MPDZ: variants seen among roughly 807,000 people sequenced by gnomAD.
MPDZ encodes the protein multiple PDZ domain crumbs cell polarity complex component.
A neutral mutation model predicts 239.1 loss-of-function variants in MPDZ; 234 were observed. That is an observed-to-expected ratio of 0.98 (90% CI 0.88 to 1.09). The LOEUF is 1.09. Among genes scored for constraint, MPDZ ranks in the 50% least tolerant of loss-of-function variants. The pLI is 0.00. For synonymous variants in MPDZ, 1,048 were observed against 881.3 expected (o/e 1.19, Z -3.35); for missense variants, 3,175 against 2,510.0 (o/e 1.26, Z -5.66).
intron 30 of MPDZ, 93 bp downstream of exon 30, chr9:13,136,619 C>A (rs1264261660): frequency 6.9e-6 from 6 of 873,664 alleles, no homozygotes; most frequent in Non-Finnish European, 9.1e-6. Context: ...AGCCAGCATG[C>A]CCGGCTACAA....
intron 24 of MPDZ, among the ~76,000 whole-genome samples, chr9:13,155,636 C>T (rs1336336946): frequency 1.3e-5 from 2 of 152,018 alleles, no homozygotes; most frequent in Non-Finnish European, 2.9e-5. Context: ...AAATACAGCC[C>T]ATTTTATAAT....
chr9:13,177,483 ACAAG>A (rs1952654514), intron 19 of MPDZ, among the ~76,000 whole-genome samples: 1 of 152,174 alleles, frequency 6.6e-6, no homozygotes, highest in African/African-American at 2.4e-5. Context: ...ACTCACACAT[ACAAG>A]CAGATATACA....
rs181643304 is a variant in MPDZ at position 13,220,364 on chromosome 9, A to G, written c.877-596T>C. ...TGCAATGATGGAACTCTTCTGCACT[A>G]CTCAATACAATAGCTACGGAGATCT... On this transcript the variant is annotated intron_variant, in intron 7 of 46. Coordinates refer to ENST00000319217, the MANE Select transcript of MPDZ (RefSeq NM_001378778.1). 1.0e-3 allele frequency among the ~76,000 whole-genome samples: 156 copies of G among 152,116 alleles called. 1 individual carries two copies. The highest frequency in any genetic ancestry group is 3.6e-3 in the African/African-American group (150 of 41,546).
intron 12 of MPDZ, among the ~76,000 whole-genome samples, chr9:13,197,253 T>C (rs1211036162): frequency 2.6e-5 from 4 of 151,982 alleles, no homozygotes; most frequent in East Asian, 1.9e-4. Context: ...TTAACAGATA[T>C]AAAAGCACAG....
intron 12 of MPDZ, among the ~76,000 whole-genome samples, chr9:13,203,887 A>G (rs1386790610): frequency 6.6e-6 from 1 of 152,024 alleles, no homozygotes; most frequent in African/African-American, 2.4e-5. Flanking sequence ...TTAATATCAC[A>G]AGTATCATGC....
At position 13,240,397 on chromosome 9, in the gene MPDZ, T is replaced by C. The variant is rs533704221; in HGVS notation, c.183+7238A>G. On this transcript the variant is annotated intron_variant, in intron 3 of 46. Coordinates refer to ENST00000319217, the MANE Select transcript of MPDZ (RefSeq NM_001378778.1). ...GTACTGGTTTACGTTAAAAAGAATC[T>C]ATGATTAAAATCTGGGAGAAGAATT... Among the ~76,000 whole-genome samples, 4 of 151,884 alleles carry C rather than the reference T, an allele frequency of 2.6e-5. No individual in the cohort carries two copies. The East Asian group carries it at 5.8e-4, about 22-fold the overall frequency.
intron 26 of MPDZ, among the ~76,000 whole-genome samples, chr9:13,146,606 T>C (rs542765117): frequency 3.3e-5 from 5 of 152,156 alleles, no homozygotes; most frequent in African/African-American, 1.2e-4. Flanking sequence ...ATGGGGGTTG[T>C]TAACTTAAAT....
intron 26 of MPDZ, among the ~76,000 whole-genome samples, chr9:13,146,519 C>A (rs538120473): frequency 1.3e-5 from 2 of 152,122 alleles, no homozygotes; most frequent in East Asian, 3.9e-4. Context: ...ACTTCCCTCA[C>A]ATATGTTGAT....
chr9:13,235,771 T>C (rs952625636), intron 3 of MPDZ, among the ~76,000 whole-genome samples: 17 of 152,314 alleles, frequency 1.1e-4, no homozygotes, highest in African/African-American at 3.8e-4. Context: ...CAAAGCATAT[T>C]TGTCTTAAAA....
intron 17 of MPDZ, 146 bp from the exon 18 acceptor site, chr9:13,186,532 G>C (rs1414553314): frequency 3.5e-6 from 2 of 579,302 alleles, no homozygotes; most frequent in East Asian, 5.7e-5. Flanking sequence ...CTTCAACATA[G>C]AATGGTAAGT....
In MPDZ at chr9:13,219,642, T is replaced by A; in HGVS notation, c.1003A>T (p.Arg335Ter). Residue 335 changes from arginine (R) to a stop codon, truncating the protein, a stop_gained, in exon 8 of 47, where the codon AGA becomes TGA. Coordinates refer to ENST00000319217, the MANE Select transcript of MPDZ (RefSeq NM_001378778.1). LOFTEE classifies it high-confidence loss of function. The part of the protein sequence containing the change: ...CGNRVKLMIA[R>*]GAIEERTAPT... ...GCTGTACGTTCTTCTATGGCACCTC[T>A]TGCAATCATCAACTTAACTCTATTT... The A allele has an allele frequency of 6.2e-7, 1 of 1,612,712 alleles. No individual in the cohort carries two copies. The highest frequency in any genetic ancestry group is 8.5e-7 in the Non-Finnish European group (1 of 1,179,232).
chr9:13,157,796 T>A (rs1950004589), intron 24 of MPDZ, among the ~76,000 whole-genome samples: 1 of 152,154 alleles, frequency 6.6e-6, no homozygotes, highest in Admixed American at 6.6e-5. Flanking sequence ...TTTAATTTAG[T>A]CCCTACTATG....
chr9:13,162,749 A>C lies in MPDZ; in HGVS notation c.3301T>G (p.Leu1101Val). Residue 1101 changes from leucine (L) to valine (V), a missense_variant, in exon 23 of 47, where the codon TTG becomes GTG. By Grantham distance (32) the Leu-to-Val change is conservative (BLOSUM62 1). Coordinates refer to ENST00000319217, the MANE Select transcript of MPDZ (RefSeq NM_001378778.1). ...ATTACTCTTCCAGATTGTTGTCCCA[A>C]GCTTATTTTGAACTCTTCCAAATGT... ...AEHLEEFKIS[L>V]GQQSGRVMAL... is the part of the protein sequence containing the mutation. 1 of 1,611,610 alleles carries C rather than the reference A, an allele frequency of 6.2e-7. No individual in the cohort carries two copies. Among genetic ancestry groups the C allele is most frequent in the Non-Finnish European group, 8.5e-7 (1 of 1,178,590 alleles).
intron 3 of MPDZ, among the ~76,000 whole-genome samples, chr9:13,226,174 C>CA (rs1212550802): frequency 1.3e-5 from 2 of 152,138 alleles, no homozygotes; most frequent in Middle Eastern, 3.4e-3. Context: ...ACTGTGCCCT[C>CA]AAATCGTGCT....
At chr9:13,256,830 G>A (rs1969555063) in intron 1 of MPDZ, among the ~76,000 whole-genome samples, 2 of 151,976 alleles carry the variant, frequency 1.3e-5, no homozygotes, top group South Asian at 4.1e-4. Context: ...ATGTGCTGTT[G>A]GAAAAAAATG....
At chr9:13,156,536 T>C (rs1949839959) in intron 24 of MPDZ, among the ~76,000 whole-genome samples, 1 of 152,162 alleles carries the variant, frequency 6.6e-6, no homozygotes, top group Admixed American at 6.6e-5. Flanking sequence ...TCAGGTCTCC[T>C]GAGGCCCATT....
At chr9:13,257,907 T>C (rs989312902) in intron 1 of MPDZ, among the ~76,000 whole-genome samples, 7 of 152,220 alleles carry the variant, frequency 4.6e-5, no homozygotes, top group African/African-American at 1.2e-4. Flanking sequence ...TGTTATTTTA[T>C]CTAACAATCC....
At chr9:13,126,495 T>A in intron 34 of MPDZ, 21 bp downstream of exon 34, 8 of 1,522,200 alleles carry the variant, frequency 5.3e-6, no homozygotes, top group Middle Eastern at 1.7e-4. Context: ...CATTACCATT[T>A]ACTTTATTTT....
At position 13,221,424 on chromosome 9, in the gene MPDZ, T is replaced by C. The variant is rs1959080590; in HGVS notation, c.824A>G (p.Lys275Arg). 1 of 1,611,272 alleles carries C rather than the reference T, an allele frequency of 6.2e-7. No individual in the cohort carries two copies. Among genetic ancestry groups the C allele is most frequent in the South Asian group, 1.1e-5 (1 of 90,960 alleles). Reference protein sequence around the residue: ...SGLGFGIIGGKATGVIVKTIL... With the variant: ...SGLGFGIIGGRATGVIVKTIL... Reference sequence around the variant, plus strand: ...GGTTTTTACTATCACACCAGTTGCTTTTCCTCCTATGATGCCAAATCCCAA... The same window carrying C: ...GGTTTTTACTATCACACCAGTTGCTCTTCCTCCTATGATGCCAAATCCCAA... The change falls in exon 7 of 47, where the codon AAA becomes AGA. Residue 275 changes from lysine (K) to arginine (R), a missense_variant. Physicochemically the swap from Lys to Arg is conservative, Grantham distance 26. Transcript: ENST00000319217.
Sources: allele counts gnomAD v4.1 joint callset (sites outside exome capture counted in the v4.1 genomes callset), GRCh38; gene constraint gnomAD v4.1.1; transcripts MANE v1.5; gene names NCBI Gene and HGNC (gene_info 2026-07-23, HGNC 2026-07-21).